Variants in CCSER1 observed in about 807,000 individuals in gnomAD.
CCSER1 encodes the protein serine-rich coiled-coil domain-containing protein 1.
In CCSER1, 41 loss-of-function variants were observed where a neutral mutation model predicts 82.0. That is an observed-to-expected ratio of 0.50 (90% CI 0.39 to 0.65). The LOEUF (loss-of-function observed/expected upper bound fraction) is 0.65. Ranked by LOEUF, CCSER1 falls within the 30% of genes least tolerant of loss-of-function variation. CCSER1 has a pLI of 0.00. For missense variants in CCSER1, 1,119 were observed against 1,064.2 expected (o/e 1.05, Z -0.72); for synonymous variants, 414 against 383.9 (o/e 1.08, Z -0.92).
In CCSER1 at chr4:91,138,666, A is replaced by G. The variant is rs1051085991; in HGVS notation, c.2217+52672A>G. 3.4e-5 allele frequency among the ~76,000 whole-genome samples: 4 copies of G among 117,926 alleles called. No homozygotes were observed. In the South Asian group the frequency reaches 1.3e-3, roughly 38 times the overall value. The allele number at this position is 117,926 out of a possible 152,430, so 77.4% of individuals were successfully genotyped here. ...GAACAGGCAACCTACAACATGGGAG[A>G]AAATTTTCGCAACCTACTCATCTGA... is the stretch of plus-strand genomic sequence containing the variant. On this transcript the variant is annotated intron_variant, in intron 10 of 10. Transcript: ENST00000509176.
intron 10 of CCSER1, among the ~76,000 whole-genome samples, chr4:91,199,927 TAA>T (rs757778600): frequency 5.3e-5 from 8 of 151,988 alleles, no homozygotes; most frequent in Non-Finnish European, 1.0e-4. Context: ...AGCTGCTACA[TAA>T]TAAGGTAGGG....
At chr4:91,063,379 ACTT>A (rs946907517) in intron 9 of CCSER1, among the ~76,000 whole-genome samples, 2 of 152,128 alleles carry the variant, frequency 1.3e-5, no homozygotes, top group Non-Finnish European at 2.9e-5. Flanking sequence ...CACGACACAC[ACTT>A]AATAGAGATT....
At chr4:90,253,946 T>G (rs758803610) in intron 1 of CCSER1, among the ~76,000 whole-genome samples, 3 of 152,172 alleles carry the variant, frequency 2.0e-5, no homozygotes, top group Non-Finnish European at 2.9e-5. Flanking sequence ...ACCTAGTGCA[T>G]AGATTGCTCT....
intron 7 of CCSER1, among the ~76,000 whole-genome samples, chr4:90,727,970 G>T (rs2149390607): frequency 6.6e-6 from 1 of 151,944 alleles, no homozygotes; most frequent in East Asian, 1.9e-4. Flanking sequence ...ATTGTTCTTT[G>T]AACTTCTGAA....
At chr4:91,381,782 G>T (rs757914264) in intron 10 of CCSER1, among the ~76,000 whole-genome samples, 6 of 152,200 alleles carry the variant, frequency 3.9e-5, no homozygotes, top group Admixed American at 3.9e-4. Flanking sequence ...TCCATTGCTG[G>T]TGAGGATCTG....
chr4:90,869,200 A>T (rs1171520774), intron 8 of CCSER1, among the ~76,000 whole-genome samples: 1 of 151,856 alleles, frequency 6.6e-6, no homozygotes, highest in Non-Finnish European at 1.5e-5. Flanking sequence ...GCTTTTTAGC[A>T]TGATGCGATC....
At chr4:91,474,804 TATATATATACAC>T (rs61075331) in intron 10 of CCSER1, among the ~76,000 whole-genome samples, 60,992 of 127,216 alleles carry the variant, frequency 0.48, 13,443 homozygotes, top group African/African-American at 0.54. Flanking sequence ...TATATATATA[TATATATATACAC>T]ACACACACAC....
chr4:90,605,475 A>G (rs985343656), intron 5 of CCSER1, among the ~76,000 whole-genome samples: 1 of 152,250 alleles, frequency 6.6e-6, no homozygotes, highest in African/African-American at 2.4e-5. Context: ...ATAAACTTAG[A>G]AAGTTTTGAG....
At chr4:91,016,203 A>G (rs1434391161) in intron 9 of CCSER1, among the ~76,000 whole-genome samples, 2 of 151,990 alleles carry the variant, frequency 1.3e-5, no homozygotes, top group African/African-American at 4.8e-5. Context: ...AGTTTTATAA[A>G]CGTACTTTTT....
chr4:90,615,748 CA>C (rs1047631928), intron 5 of CCSER1, among the ~76,000 whole-genome samples: 2 of 150,174 alleles, frequency 1.3e-5, no homozygotes, highest in Admixed American at 1.3e-4. Context: ...GAAATTACAA[CA>C]AAAAATTTAG....
chr4:90,684,680 G>T (rs1428796271), intron 6 of CCSER1, among the ~76,000 whole-genome samples: 1 of 152,296 alleles, frequency 6.6e-6, no homozygotes, highest in African/African-American at 2.4e-5. Context: ...GTTTGGCTGT[G>T]TCCCCACCTA....
chr4:90,308,420 C>G lies in CCSER1; in HGVS notation c.136C>G (p.Pro46Ala). The G allele has an allele frequency of 6.2e-7, 1 of 1,613,848 alleles. No individual in the cohort carries two copies. The highest frequency in any genetic ancestry group is 8.5e-7 in the Non-Finnish European group (1 of 1,179,830). ...TACAGTTGGTGTCCACAGTTCCTCT[C>G]CTTCCAGCACTAACTCAAGCTCAGG... ...SNTVGVHSSS[P>A]SSTNSSSGST... The change falls in exon 2 of 11, where the codon CCT (proline) becomes GCT (alanine). Residue 46 changes from proline (P) to alanine (A), a missense_variant. Coordinates refer to ENST00000509176, the MANE Select transcript of CCSER1 (RefSeq NM_001145065.2).
At chr4:90,209,843 A>T (rs1000840866) in intron 1 of CCSER1, among the ~76,000 whole-genome samples, 8 of 151,636 alleles carry the variant, frequency 5.3e-5, no homozygotes, top group African/African-American at 1.9e-4. Context: ...AATCTTTATC[A>T]ATCATTGTTA....
At chr4:90,783,793 C>T (rs924428311) in intron 7 of CCSER1, among the ~76,000 whole-genome samples, 1 of 152,026 alleles carries the variant, frequency 6.6e-6, no homozygotes, top group Non-Finnish European at 1.5e-5. Flanking sequence ...ATAATATGTG[C>T]CAATTTAATA....
At chr4:91,389,561 T>G (rs1011714769) in intron 10 of CCSER1, among the ~76,000 whole-genome samples, 2 of 152,066 alleles carry the variant, frequency 1.3e-5, no homozygotes, top group Non-Finnish European at 2.9e-5. Flanking sequence ...TTGGTTATTC[T>G]GGGTCTTTTG....
chr4:91,121,282 T>C (rs11097301), intron 10 of CCSER1, among the ~76,000 whole-genome samples: 23,419 of 151,656 alleles, frequency 0.15, 2,116 homozygotes, highest in African/African-American at 0.22. Flanking sequence ...AAAATAATAA[T>C]GAAAAATGAT....
At chr4:90,568,060 A>G (rs1779618043) in intron 5 of CCSER1, among the ~76,000 whole-genome samples, 1 of 152,244 alleles carries the variant, frequency 6.6e-6, no homozygotes, top group Admixed American at 6.5e-5. Flanking sequence ...TATATTTGAT[A>G]CAATTTCAAT....
intron 1 of CCSER1, among the ~76,000 whole-genome samples, chr4:90,184,079 C>A (rs565929440): frequency 6.6e-6 from 1 of 152,074 alleles, no homozygotes; most frequent in Non-Finnish European, 1.5e-5. Context: ...CTAGAAATAG[C>A]ACCTAGGGGA....
intron 5 of CCSER1, among the ~76,000 whole-genome samples, chr4:90,611,059 C>CTTTTCTTTT (rs1303751301): frequency 1.1e-5 from 1 of 93,822 alleles, no homozygotes; most frequent in Non-Finnish European, 1.9e-5. Context: ...CTTTTCTTTT[C>CTTTTCTTTT]TTTTTTTTTT....
Sources: gnomAD v4.1 joint callset for allele counts (sites outside exome capture counted in the v4.1 genomes callset) on GRCh38, gnomAD v4.1.1 for gene constraint, MANE v1.5 for transcripts, NCBI Gene and HGNC (gene_info 2026-07-23, HGNC 2026-07-21) for gene names.